MARCO: variants seen among roughly 807,000 people sequenced by gnomAD.
MARCO encodes the protein macrophage receptor with collagenous structure.
In MARCO, 72 loss-of-function variants were observed where a neutral mutation model predicts 70.0. The ratio of observed to expected loss-of-function variants is 1.03; its 90% CI spans 0.85 to 1.25. The LOEUF is 1.25. Among genes scored for constraint, MARCO ranks in the 50% most tolerant of loss-of-function variants. The probability of loss-of-function intolerance (pLI) is 0.00; values close to 1 mark genes in which losing one functional copy is unlikely to be tolerated. For missense variants in MARCO, 696 were observed against 659.3 expected (o/e 1.06, Z -0.61); for synonymous variants, 273 against 243.1 (o/e 1.12, Z -1.14).
chr2:118,992,356 C>A lies in MARCO; in HGVS notation c.1208-76C>A, dbSNP rs112144722. ...ACCACTCCCAACCCTCCACCCGCTC[C>A]CCACTCATGCAAATGCAGGCAAAGG... On this transcript the variant is annotated intron_variant, in intron 14 of 16. Coordinates refer to ENST00000327097, the MANE Select transcript of MARCO (RefSeq NM_006770.4). The A allele has an allele frequency of 1.6e-5, 20 of 1,232,614 alleles. No individual in the cohort carries two copies. In the African/African-American group the frequency reaches 2.1e-4, roughly 13 times the overall value. 76.4% of individuals were successfully genotyped at this position (1,232,614 alleles called of 1,614,324 possible).
chr2:118,968,461 A>G (rs941533664), intron 1 of MARCO, among the ~76,000 whole-genome samples: 8 of 152,198 alleles, frequency 5.3e-5, no homozygotes, highest in Admixed American at 3.9e-4. Context: ...TAAGATTAAA[A>G]GAAAAAAAGG....
At chr2:118,969,732 C>T (rs539680005) in intron 2 of MARCO, among the ~76,000 whole-genome samples, 2 of 152,298 alleles carry the variant, frequency 1.3e-5, no homozygotes, top group Admixed American at 1.3e-4. Flanking sequence ...GTCATAAACA[C>T]GTCTTGTGTG....
In MARCO at chr2:118,994,484, C is replaced by G; in HGVS notation, c.1527C>G (p.Ser509Arg). ...TKNSWGHHDC[S>R]HEEDAGVECS... is the part of the protein sequence containing the mutation. ...ATAGCTGGGGCCATCATGACTGCAGCCACGAGGAGGACGCAGGCGTGGAGT... is the reference window on the plus strand; with the variant it reads ...ATAGCTGGGGCCATCATGACTGCAGGCACGAGGAGGACGCAGGCGTGGAGT... Residue 509 changes from serine (S) to arginine (R), a missense_variant, in exon 17 of 17, where the codon AGC becomes AGG. Ser to Arg is a moderately radical substitution (Grantham distance 110). Transcript: ENST00000327097. 3 of 1,611,828 alleles carry G rather than the reference C, an allele frequency of 1.9e-6. No homozygotes were observed. The highest frequency in any genetic ancestry group is 2.2e-5 in the South Asian group (2 of 90,736).
At chr2:118,982,963 T>C (rs1362247165) in intron 12 of MARCO, among the ~76,000 whole-genome samples, 1 of 152,246 alleles carries the variant, frequency 6.6e-6, no homozygotes, top group East Asian at 1.9e-4. Context: ...TATAGTCTAC[T>C]TTATAAGCCG....
At chr2:118,975,773 C>T (rs905294490) in intron 6 of MARCO, among the ~76,000 whole-genome samples, 1 of 152,210 alleles carries the variant, frequency 6.6e-6, no homozygotes, top group African/African-American at 2.4e-5. Flanking sequence ...CATATATGCA[C>T]TCACATACAC....
intron 16 of MARCO, among the ~76,000 whole-genome samples, chr2:118,993,684 T>A (rs1680667711): frequency 6.6e-6 from 1 of 152,206 alleles, no homozygotes; most frequent in South Asian, 2.1e-4. Flanking sequence ...TCACTCCAGC[T>A]GTCTGTGAAC....
chr2:118,982,928 T>C (rs773563457), intron 12 of MARCO, among the ~76,000 whole-genome samples: 3 of 152,214 alleles, frequency 2.0e-5, no homozygotes, highest in Non-Finnish European at 4.4e-5. Context: ...GTCTATTTAG[T>C]CTAGGTCGTA....
intron 1 of MARCO, chr2:118,944,801 G>C (rs903128711): frequency 6.6e-6 from 1 of 152,150 alleles, no homozygotes; most frequent in Non-Finnish European, 1.5e-5. Context: ...AGGATGAGGA[G>C]TGTAAATTTC....
At chr2:118,991,675 C>T (rs1680623515) in intron 13 of MARCO, 102 bp from the exon 14 acceptor site, 1 of 641,674 alleles carries the variant, frequency 1.6e-6, no homozygotes, top group Non-Finnish European at 2.7e-6. Context: ...TGGGGGAGGT[C>T]TGGCAGTTAA....
intron 1 of MARCO, among the ~76,000 whole-genome samples, chr2:118,957,783 T>A (rs1679866434): frequency 6.6e-6 from 1 of 151,680 alleles, no homozygotes; most frequent in African/African-American, 2.4e-5. Flanking sequence ...ATGGTGGATA[T>A]CATAAAGATA....
intron 1 of MARCO, among the ~76,000 whole-genome samples, chr2:118,946,374 C>A (rs1347921500): frequency 6.6e-6 from 1 of 152,134 alleles, no homozygotes; most frequent in African/African-American, 2.4e-5. Context: ...ATCTGCTTCC[C>A]ATCTCTATAA....
rs559077810 is a variant in MARCO at position 118,967,426 on chromosome 2, C to T, written c.98-1734C>T. 1.4e-3 allele frequency among the ~76,000 whole-genome samples: 217 copies of T among 152,230 alleles called. 1 individual carries two copies. Among genetic ancestry groups the T allele is most frequent in the African/African-American group, 5.0e-3 (208 of 41,542 alleles). On this transcript the variant is annotated intron_variant, in intron 1 of 16. Coordinates refer to ENST00000327097, the MANE Select transcript of MARCO (RefSeq NM_006770.4). ...ATAGGAGAGCTGGCCAGACGGGCTT[C>T]AGGTGCCAGGTTGGGAGCAGTGAGC...
chr2:118,982,324 C>A, intron 11 of MARCO, 24 bp from the exon 12 acceptor site: 1 of 1,613,562 alleles, frequency 6.2e-7, no homozygotes, highest in Middle Eastern at 1.7e-4. Context: ...AGCCCTTATG[C>A]TCTCTGTGGT....
At chr2:118,947,228 G>C (rs1000791220) in intron 1 of MARCO, among the ~76,000 whole-genome samples, 1 of 152,106 alleles carries the variant, frequency 6.6e-6, no homozygotes, top group African/African-American at 2.4e-5. Flanking sequence ...AAGTCTAAGA[G>C]TTCTTTAGCC....
chr2:118,983,955 T>G (rs941325380), intron 12 of MARCO, among the ~76,000 whole-genome samples: 5 of 152,154 alleles, frequency 3.3e-5, no homozygotes, highest in South Asian at 4.1e-4. Context: ...TGCCCTGCCC[T>G]TTGCATCCTG....
At chr2:118,968,973 T>G (rs1245042620) in intron 1 of MARCO, among the ~76,000 whole-genome samples, 187 bp from the exon 2 acceptor site, 1 of 152,164 alleles carries the variant, frequency 6.6e-6, no homozygotes, top group Non-Finnish European at 1.5e-5. Flanking sequence ...TGACCAACAG[T>G]GGCAATTTTT....
intron 8 of MARCO, 23 bp from the exon 9 acceptor site, chr2:118,981,386 A>G: frequency 1.3e-6 from 2 of 1,540,750 alleles, no homozygotes; most frequent in Non-Finnish European, 1.8e-6. Context: ...CCCACAACTA[A>G]CCAAGACTTT....
intron 1 of MARCO, 50 bp from the exon 2 acceptor site, chr2:118,969,110 C>A: frequency 7.5e-7 from 1 of 1,337,192 alleles, no homozygotes; most frequent in Non-Finnish European, 1.1e-6. Flanking sequence ...CAGGGACTTC[C>A]TGTGCTGTGT....
At chr2:118,943,991 G>C (rs1679550649) in intron 1 of MARCO, among the ~76,000 whole-genome samples, 1 of 152,140 alleles carries the variant, frequency 6.6e-6, no homozygotes, top group Non-Finnish European at 1.5e-5. Context: ...GCAGTGGATG[G>C]AAGGCAGGAA....
Sources: allele counts gnomAD v4.1 joint callset (sites outside exome capture counted in the v4.1 genomes callset), GRCh38; gene constraint gnomAD v4.1.1; transcripts MANE v1.5; gene names NCBI Gene and HGNC (gene_info 2026-07-23, HGNC 2026-07-21).